PYGO1: variants seen among roughly 807,000 people sequenced by gnomAD.
PYGO1 encodes pygopus family PHD finger 1.
A neutral mutation model predicts 29.5 loss-of-function variants in PYGO1; 6 were observed. That is an observed-to-expected ratio of 0.20 (90% CI 0.11 to 0.40). PYGO1 has a LOEUF of 0.40. Among genes scored for constraint, PYGO1 ranks in the 10% least tolerant of loss-of-function variants. PYGO1 has a pLI of 1.00. For missense variants in PYGO1, 515 were observed against 514.9 expected (o/e 1.00, Z 0.00); for synonymous variants, 186 against 180.5 (o/e 1.03, Z -0.24).
At chr15:55,564,356 C>G (rs887536258) in intron 1 of PYGO1, among the ~76,000 whole-genome samples, 5 of 152,066 alleles carry the variant, frequency 3.3e-5, no homozygotes, top group Admixed American at 1.3e-4. Context: ...AGGAAGTGTC[C>G]AGAATGGGAA....
At chr15:55,566,807 T>G (rs1595988839) in intron 1 of PYGO1, among the ~76,000 whole-genome samples, 1 of 152,208 alleles carries the variant, frequency 6.6e-6, no homozygotes, top group East Asian at 1.9e-4. Context: ...CACAGCTGAC[T>G]ACAGCCTTGC....
At chr15:55,568,092 G>GT (rs2058964625) in intron 1 of PYGO1, among the ~76,000 whole-genome samples, 1 of 152,054 alleles carries the variant, frequency 6.6e-6, no homozygotes, top group Non-Finnish European at 1.5e-5. Flanking sequence ...TTTTAACACA[G>GT]TTTTTTCCAA....
In PYGO1 at chr15:55,546,752, T is replaced by G; in HGVS notation, c.531A>C (p.Arg177Ser). The G allele has an allele frequency of 1.2e-6, 2 of 1,614,126 alleles. No individual in the cohort carries two copies. Among genetic ancestry groups the G allele is most frequent in the South Asian group, 1.1e-5 (1 of 91,084 alleles). Residue 177 changes from arginine (R) to serine (S), a missense_variant, in exon 3 of 3, where the codon AGA becomes AGC. Physicochemically the swap from Arg to Ser is moderately radical, Grantham distance 110. Transcript: ENST00000563719. ...GACTGAAATTTTCAGCAGGATTTTG[T>G]CTAAAATGTTGATTAGGCATGTTGA... ...QNVNMPNQHFRQNPAENFSQI... is the reference protein window; with the variant it reads ...QNVNMPNQHFSQNPAENFSQI...
At chr15:55,564,617 T>C (rs1035585146) in intron 1 of PYGO1, among the ~76,000 whole-genome samples, 1 of 151,804 alleles carries the variant, frequency 6.6e-6, no homozygotes, top group Admixed American at 6.6e-5. Flanking sequence ...AAGGCACAGG[T>C]GTCACAAAAG....
At position 55,545,898 on chromosome 15, in the gene PYGO1, T is replaced by C. The variant is rs925650627; in HGVS notation, c.*125A>G. On this transcript the variant is annotated 3_prime_UTR_variant, in exon 3 of 3. Coordinates refer to ENST00000563719, the MANE Select transcript of PYGO1 (RefSeq NM_001367806.1). ...TTTGCTCTAGTGATGAAGTGATTAA[T>C]AAAAACTAAGTAAATAATGTTTTTG... 1.8e-6 allele frequency: 2 copies of C among 1,142,514 alleles called. No homozygotes were observed. The highest frequency in any genetic ancestry group is 3.1e-5 in the African/African-American group (2 of 63,528). 70.8% of individuals were successfully genotyped at this position (1,142,514 alleles called of 1,614,324 possible).
chr15:55,557,293 G>C, intron 1 of PYGO1, among the ~76,000 whole-genome samples: 1 of 152,010 alleles, frequency 6.6e-6, no homozygotes, highest in East Asian at 1.9e-4. Context: ...ACTAAACCAG[G>C]AAGAAGTTGA....
At chr15:55,574,016 C>G (rs1734043456) in intron 1 of PYGO1, among the ~76,000 whole-genome samples, 1 of 152,216 alleles carries the variant, frequency 6.6e-6, no homozygotes, top group African/African-American at 2.4e-5. Flanking sequence ...TCAAGCAATT[C>G]AGCTTTTTCT....
At chr15:55,558,712 T>A (rs1320802945) in intron 1 of PYGO1, among the ~76,000 whole-genome samples, 1 of 151,764 alleles carries the variant, frequency 6.6e-6, no homozygotes, top group Non-Finnish European at 1.5e-5. Flanking sequence ...TTGACAAACC[T>A]GACAAAAACA....
In PYGO1 at chr15:55,547,092, T is replaced by C; in HGVS notation, c.191A>G (p.Asp64Gly). ...EYAPPPNPNS[D>G]HLVAANPFDD... ...AAATGGATTAGCAGCCACTAGATGG[T>C]CAGAGTTTGGATTCGGTGGTGGAGC... is the stretch of plus-strand genomic sequence containing the variant. Residue 64 changes from aspartate (D) to glycine (G), a missense_variant, in exon 3 of 3, where the codon GAC becomes GGC. Transcript: ENST00000563719. The C allele has an allele frequency of 6.2e-7, 1 of 1,611,962 alleles. No homozygotes were observed. The highest frequency in any genetic ancestry group is 8.5e-7 in the Non-Finnish European group (1 of 1,179,224).
upstream of PYGO1, chr15:55,588,924 A>G: frequency 7.1e-7 from 1 of 1,399,454 alleles, no homozygotes; most frequent in Non-Finnish European, 1.0e-6. Flanking sequence ...GAATGCCTCC[A>G]CTTGGTATTT....
intron 1 of PYGO1, among the ~76,000 whole-genome samples, chr15:55,568,822 G>T (rs1349396783): frequency 6.6e-6 from 1 of 152,048 alleles, no homozygotes; most frequent in African/African-American, 2.4e-5. Flanking sequence ...TTTATCAAAA[G>T]CTTTTTTCAT....
chr15:55,546,387 G>T lies in PYGO1; in HGVS notation c.896C>A (p.Pro299His), dbSNP rs11858624. The change falls in exon 3 of 3, where the codon CCT becomes CAT. Residue 299 changes from proline to histidine, a missense_variant. Coordinates refer to ENST00000563719, the MANE Select transcript of PYGO1 (RefSeq NM_001367806.1). ...TGGCTTATTCTGCGTCCCATTTGCA[G>T]GGTTATTGTTTGTGGCTTCAGTGCT... is the stretch of plus-strand genomic sequence containing the variant. ...SSSTEATNNN[P>H]ANGTQNKPRQ... The T allele has an allele frequency of 0.064, 102,740 of 1,614,090 alleles. 3,557 individuals carry two copies. The highest frequency in any genetic ancestry group is 0.073 in the Middle Eastern group (441 of 6,060).
At chr15:55,565,963 G>A (rs999522339) in intron 1 of PYGO1, among the ~76,000 whole-genome samples, 9 of 152,108 alleles carry the variant, frequency 5.9e-5, no homozygotes, top group Non-Finnish European at 1.3e-4. Flanking sequence ...TGTATTTTTA[G>A]TAGAGACAGC....
chr15:55,583,817 T>G (rs1166692614), intron 1 of PYGO1, among the ~76,000 whole-genome samples: 3 of 152,164 alleles, frequency 2.0e-5, no homozygotes, highest in African/African-American at 7.2e-5. Flanking sequence ...CCCACGTTAA[T>G]GTTCAACACT....
At chr15:55,588,824 G>A (rs1398772812), upstream of PYGO1, 2 of 1,613,882 alleles carry the variant, frequency 1.2e-6, no homozygotes, top group Non-Finnish European at 1.7e-6. Flanking sequence ...AACTTTGTAA[G>A]CGGGAGCTGG....
intron 1 of PYGO1, among the ~76,000 whole-genome samples, chr15:55,575,217 G>A (rs990681639): frequency 6.6e-6 from 1 of 152,170 alleles, no homozygotes; most frequent in East Asian, 1.9e-4. Context: ...GTGTTAAAAT[G>A]TAGATTCCTG....
At position 55,546,601 on chromosome 15, in the gene PYGO1, T is replaced by C. The variant is rs1392571394; in HGVS notation, c.682A>G (p.Thr228Ala). The C allele has an allele frequency of 1.9e-6, 3 of 1,613,664 alleles. No individual in the cohort carries two copies. Among genetic ancestry groups the C allele is most frequent in the Non-Finnish European group, 2.5e-6 (3 of 1,179,876 alleles). ...GGTGGTGCTTTTGCTTGACCAAAAGTGTTTGGGGGAGGAATAAAAGAATGA... is the reference window on the plus strand; with the variant it reads ...GGTGGTGCTTTTGCTTGACCAAAAGCGTTTGGGGGAGGAATAAAAGAATGA... ...SNHSFIPPPN[T>A]FGQAKAPPPK... The change falls in exon 3 of 3, where the codon ACT becomes GCT. Residue 228 changes from threonine (T) to alanine (A), a missense_variant. Coordinates refer to ENST00000563719, the MANE Select transcript of PYGO1 (RefSeq NM_001367806.1).
chr15:55,567,321 C>G (rs2058961383), intron 1 of PYGO1, among the ~76,000 whole-genome samples: 1 of 145,186 alleles, frequency 6.9e-6, no homozygotes, highest in Non-Finnish European at 1.5e-5. Flanking sequence ...GATTCTCCTA[C>G]CTCAGCTGCC....
chr15:55,564,912 T>C (rs909449159), intron 1 of PYGO1, among the ~76,000 whole-genome samples: 1 of 152,180 alleles, frequency 6.6e-6, no homozygotes, highest in African/African-American at 2.4e-5. Flanking sequence ...CCAAATTCAA[T>C]TCCCTGTGGT....
Sources: gnomAD v4.1 joint callset for allele counts (sites outside exome capture counted in the v4.1 genomes callset) on GRCh38, gnomAD v4.1.1 for gene constraint, MANE v1.5 for transcripts, NCBI Gene and HGNC (gene_info 2026-07-23, HGNC 2026-07-21) for gene names.